OXCT1: variants seen among roughly 807,000 people sequenced by gnomAD.
The protein encoded by OXCT1 is succinyl-CoA:3-ketoacid coenzyme A transferase 1, mitochondrial.
A neutral mutation model predicts 69.6 loss-of-function variants in OXCT1; 27 were observed. The ratio of observed to expected loss-of-function variants is 0.39; its 90% confidence interval spans 0.29 to 0.54. OXCT1 has a LOEUF of 0.54. Among genes scored for constraint, OXCT1 ranks in the 20% least tolerant of loss-of-function variants. OXCT1 has a pLI of 0.72. For missense variants in OXCT1, 437 were observed against 650.2 expected, an observed-to-expected ratio of 0.67 and a Z score of 3.57; for synonymous variants, 202 against 217.8, an observed-to-expected ratio of 0.93 and a Z score of 0.64.
At chr5:41,744,145 T>C (rs1743345799) in intron 15 of OXCT1, among the ~76,000 whole-genome samples, 1 of 152,230 alleles carries the variant, frequency 6.6e-6, no homozygotes, top group Non-Finnish European at 1.5e-5. Context: ...TTGTATCCTC[T>C]TCTATTTCAT....
chr5:41,745,075 A>G (rs1489296649), intron 15 of OXCT1, among the ~76,000 whole-genome samples: 1 of 152,000 alleles, frequency 6.6e-6, no homozygotes, highest in Non-Finnish European at 1.5e-5. Flanking sequence ...AGAACTCTCC[A>G]CCCCAAATCA....
chr5:41,825,341 A>T (rs1747753342), intron 7 of OXCT1, among the ~76,000 whole-genome samples: 1 of 152,212 alleles, frequency 6.6e-6, no homozygotes. Flanking sequence ...CTCTAGTCTT[A>T]GACATGAGTG....
chr5:41,784,842 A>G (rs1463055307), intron 13 of OXCT1, among the ~76,000 whole-genome samples: 2 of 152,214 alleles, frequency 1.3e-5, no homozygotes, highest in Non-Finnish European at 2.9e-5. Context: ...TTTAAACCTT[A>G]ATCACAGTTT....
chr5:41,742,037 ATC>A (rs1743194546), intron 15 of OXCT1, among the ~76,000 whole-genome samples: 1 of 152,198 alleles, frequency 6.6e-6, no homozygotes, highest in Admixed American at 6.5e-5. Context: ...AAAAAAGAGC[ATC>A]TGGATTAAGT....
intron 13 of OXCT1, among the ~76,000 whole-genome samples, chr5:41,787,686 A>AATTCAC (rs1204172496): frequency 1.3e-5 from 2 of 151,464 alleles, no homozygotes; most frequent in Non-Finnish European, 2.9e-5. Flanking sequence ...GTCTAGGAAC[A>AATTCAC]ATTCACAATC....
At position 41,842,671 on chromosome 5, in the gene OXCT1, A is replaced by T. The variant is rs945442218; in HGVS notation, c.671+4T>A. 6.2e-7 allele frequency: 1 copy of T among 1,600,558 alleles called. No individual in the cohort carries two copies. Among genetic ancestry groups the T allele is most frequent in the South Asian group, 1.1e-5 (1 of 90,798 alleles). On this transcript the variant is annotated splice_donor_region_variant and intron_variant, in intron 6 of 16. Coordinates refer to ENST00000196371, the MANE Select transcript of OXCT1 (RefSeq NM_000436.4). ...CACGAGTGTTTTTAAAACTATCACAATACCTGAAAATCACGTTTCCTGCTC... is the reference window on the plus strand; with the variant it reads ...CACGAGTGTTTTTAAAACTATCACATTACCTGAAAATCACGTTTCCTGCTC...
At chr5:41,867,951 A>G (rs1168154603) in intron 1 of OXCT1, among the ~76,000 whole-genome samples, 1 of 152,230 alleles carries the variant, frequency 6.6e-6, no homozygotes, top group Non-Finnish European at 1.5e-5. Context: ...TCCATGCCAG[A>G]TAACTCTGAA....
intron 7 of OXCT1, among the ~76,000 whole-genome samples, chr5:41,834,737 AC>A (rs1235729024): frequency 6.6e-6 from 1 of 152,112 alleles, no homozygotes; most frequent in Non-Finnish European, 1.5e-5. Context: ...AGACTTCCAC[AC>A]CCCATTTTCA....
At position 41,807,550 on chromosome 5, in the gene OXCT1, G is replaced by A. The variant is rs367828571; in HGVS notation, c.733-112C>T. The A allele has an allele frequency of 6.0e-5, 42 of 695,304 alleles. 1 individual carries two copies. In the African/African-American group the frequency reaches 6.3e-4, roughly 10 times the overall value. The allele number at this position is 695,304 out of a possible 1,614,324, so 43.1% of individuals were successfully genotyped here. A position where few individuals can be genotyped will look rare whatever the true frequency, so the allele number is the denominator to read the frequency against. Reference sequence around the variant, plus strand: ...ACAACTTAGGCTGCAAACATATGACGGAATATGGACATATATCTATGTATG... The same window carrying A: ...ACAACTTAGGCTGCAAACATATGACAGAATATGGACATATATCTATGTATG... On this transcript the variant is annotated intron_variant, in intron 7 of 16. Coordinates refer to ENST00000196371, the MANE Select transcript of OXCT1 (RefSeq NM_000436.4).
At chr5:41,758,760 C>T (rs760679873) in intron 14 of OXCT1, among the ~76,000 whole-genome samples, 3 of 152,076 alleles carry the variant, frequency 2.0e-5, no homozygotes, top group African/African-American at 4.8e-5. Flanking sequence ...GCAGTCAAGG[C>T]CTTTATCAGA....
intron 4 of OXCT1, among the ~76,000 whole-genome samples, chr5:41,850,682 A>G (rs527487114): frequency 1.9e-4 from 29 of 149,984 alleles, no homozygotes; most frequent in African/African-American, 6.9e-4. Context: ...AAGAAAAAAA[A>G]CAAAGTGAAA....
intron 6 of OXCT1, among the ~76,000 whole-genome samples, chr5:41,841,920 A>G (rs549185361): frequency 4.3e-4 from 66 of 152,334 alleles, no homozygotes; most frequent in African/African-American, 1.5e-3. Flanking sequence ...CCAAAGCTGC[A>G]TTTGCTAAAG....
At chr5:41,822,039 C>T (rs1034261357) in intron 7 of OXCT1, among the ~76,000 whole-genome samples, 1 of 152,154 alleles carries the variant, frequency 6.6e-6, no homozygotes, top group African/African-American at 2.4e-5. Context: ...CTATTTTACA[C>T]TTACATTTAG....
chr5:41,864,179 T>A (rs139727533), intron 1 of OXCT1, among the ~76,000 whole-genome samples: 1 of 152,292 alleles, frequency 6.6e-6, no homozygotes, highest in African/African-American at 2.4e-5. Flanking sequence ...TCTGTAGCAA[T>A]CATTCATACT....
At chr5:41,795,922 G>T (rs558839132) in intron 11 of OXCT1, among the ~76,000 whole-genome samples, 5 of 151,928 alleles carry the variant, frequency 3.3e-5, no homozygotes, top group Non-Finnish European at 5.9e-5. Flanking sequence ...AGAAAAAAAG[G>T]ACCCACCTAA....
chr5:41,832,217 C>A (rs921442538), intron 7 of OXCT1, among the ~76,000 whole-genome samples: 1 of 152,128 alleles, frequency 6.6e-6, no homozygotes, highest in Non-Finnish European at 1.5e-5. Context: ...TAACAGCAGG[C>A]CTTGGGCAAA....
At chr5:41,734,448 T>C (rs1742789304) in intron 16 of OXCT1, among the ~76,000 whole-genome samples, 2 of 152,220 alleles carry the variant, frequency 1.3e-5, no homozygotes, top group Non-Finnish European at 2.9e-5. Flanking sequence ...AAAGCCGTTA[T>C]TTTCAATGGC....
chr5:41,853,588 C>T lies in OXCT1; in HGVS notation c.279-34G>A, dbSNP rs775859220. On this transcript the variant is annotated intron_variant, in intron 3 of 16. Coordinates refer to ENST00000196371, the MANE Select transcript of OXCT1 (RefSeq NM_000436.4). ...AAAATGAAGGGAGCTTACCAAAGAG[C>T]ATCTGACAGAACACTATTACATCTT... is the stretch of plus-strand genomic sequence containing the variant. 15 of 1,608,422 alleles carry T rather than the reference C, an allele frequency of 9.3e-6. No individual in the cohort carries two copies. In the African/African-American group the frequency reaches 1.9e-4, roughly 20 times the overall value.
chr5:41,856,056 T>C (rs1005513122), intron 3 of OXCT1, among the ~76,000 whole-genome samples: 1 of 152,316 alleles, frequency 6.6e-6, no homozygotes, highest in East Asian at 1.9e-4. Flanking sequence ...CCAGTTGTGA[T>C]CAGCCTTGTG....
Sources: gnomAD v4.1 joint callset for allele counts (sites outside exome capture counted in the v4.1 genomes callset) on GRCh38, gnomAD v4.1.1 for gene constraint, MANE v1.5 for transcripts, NCBI Gene and HGNC (gene_info 2026-07-23, HGNC 2026-07-21) for gene names.